The following CXADR variants were observed in gnomAD, a reference collection of about 807,000 sequenced individuals.
The protein encoded by CXADR is coxsackievirus and adenovirus receptor.
In CXADR, 20 loss-of-function variants were observed where a neutral mutation model predicts 40.3. That is an observed-to-expected ratio of 0.50 (90% CI 0.35 to 0.72). The LOEUF (loss-of-function observed/expected upper bound fraction) is 0.72. Ranked by LOEUF, CXADR falls within the 30% of genes least tolerant of loss-of-function variation. CXADR has a pLI of 0.01. For missense variants in CXADR, 332 were observed against 449.1 expected, an observed-to-expected ratio of 0.74 and a Z score of 2.36; for synonymous variants, 150 against 161.3, an observed-to-expected ratio of 0.93 and a Z score of 0.53.
At chr21:17,549,944 C>T (rs2824348) in intron 2 of CXADR, among the ~76,000 whole-genome samples, 5,766 of 152,204 alleles carry the variant, frequency 0.038, 360 homozygotes, top group African/African-American at 0.13. Flanking sequence ...GAAGATTGAG[C>T]AAATAAAGTA....
Position 17,547,136 on chromosome 21 carries a change from A to T in CXADR, c.153A>T (p.Gly51=), listed in dbSNP as rs1338773733. ...CKFTLSPEDQ[G]PLDIEWLISP... is the part of the protein sequence containing the mutation. Reference sequence around the variant, plus strand: ...TTACGCTTAGTCCCGAAGACCAGGGACCGCTGGACATCGAGTGGCTGATAT... The same window carrying T: ...TTACGCTTAGTCCCGAAGACCAGGGTCCGCTGGACATCGAGTGGCTGATAT... Residue 51 remains glycine (G), a synonymous_variant, in exon 2 of 7, where the codon GGA becomes GGT. Coordinates refer to ENST00000284878, the MANE Select transcript of CXADR (RefSeq NM_001338.5). The T allele has an allele frequency of 1.2e-6, 2 of 1,614,144 alleles. No individual in the cohort carries two copies. Among genetic ancestry groups the T allele is most frequent in the South Asian group, 2.2e-5 (2 of 91,080 alleles).
At chr21:17,606,810 C>G in the CXADR span, among the ~76,000 whole-genome samples, 1 of 152,100 alleles carries the variant, frequency 6.6e-6, no homozygotes, top group South Asian at 2.1e-4. Context: ...TTTGCAATTA[C>G]AAAGTGTAAG....
chr21:17,562,729 C>T (rs1376145480), intron 6 of CXADR, among the ~76,000 whole-genome samples: 2 of 152,212 alleles, frequency 1.3e-5, no homozygotes, highest in Non-Finnish European at 2.9e-5. Context: ...TTAACTAGAT[C>T]TTCTGGATAA....
downstream of CXADR, among the ~76,000 whole-genome samples, chr21:17,598,195 A>C (rs936269637): frequency 5.9e-5 from 9 of 152,156 alleles, no homozygotes; most frequent in African/African-American, 2.2e-4. Flanking sequence ...GCTTGAGTAA[A>C]ATATTAATTA....
chr21:17,617,592 TAA>T, the CXADR span, among the ~76,000 whole-genome samples: 1 of 152,266 alleles, frequency 6.6e-6, no homozygotes, highest in Non-Finnish European at 1.5e-5. Flanking sequence ...CTGTGCCTAT[TAA>T]AGTTATGTTT....
the CXADR span, among the ~76,000 whole-genome samples, chr21:17,606,233 G>A: frequency 6.6e-6 from 1 of 152,042 alleles, no homozygotes; most frequent in Non-Finnish European, 1.5e-5. Flanking sequence ...GAAAAAAGGA[G>A]GCAGAGAGAG....
intron 1 of CXADR, among the ~76,000 whole-genome samples, chr21:17,521,928 T>C (rs1025750348): frequency 6.6e-6 from 1 of 152,224 alleles, no homozygotes; most frequent in Non-Finnish European, 1.5e-5. Flanking sequence ...CCATCTATTA[T>C]ATCTGGATTC....
rs569545574 is a variant in CXADR, at chr21:17,580,943, G to T, written c.1018-12209G>T. Among the ~76,000 whole-genome samples, 13 of 152,208 alleles carry T rather than the reference G, an allele frequency of 8.5e-5. No homozygotes were observed. The South Asian group carries it at 1.2e-3, about 15-fold the overall frequency. ...TCTTTAATTCTTTTGTAGGGAGGAG[G>T]TCTCACTATGTTGTCCAGGCTGGTC... On this transcript the variant is annotated intron_variant, in intron 7 of 7. Coordinates refer to the CXADR transcript ENST00000400169.
the CXADR span, among the ~76,000 whole-genome samples, chr21:17,608,402 T>C: frequency 6.7e-6 from 1 of 150,348 alleles, no homozygotes; most frequent in East Asian, 2.0e-4. Context: ...GAAAAGCAAA[T>C]CCCAGAGCCA....
At chr21:17,536,268 C>T (rs2060755476) in intron 1 of CXADR, among the ~76,000 whole-genome samples, 1 of 152,182 alleles carries the variant, frequency 6.6e-6, no homozygotes, top group African/African-American at 2.4e-5. Flanking sequence ...CATAAAGTAG[C>T]ATCAGTGTTC....
At chr21:17,518,343 T>A (rs1396994986) in intron 1 of CXADR, among the ~76,000 whole-genome samples, 1 of 152,020 alleles carries the variant, frequency 6.6e-6, no homozygotes, top group Non-Finnish European at 1.5e-5. Context: ...ACCAAAAAAA[T>A]ATCCTGAGAG....
At chr21:17,528,610 G>T (rs1186777927) in intron 1 of CXADR, among the ~76,000 whole-genome samples, 1 of 150,186 alleles carries the variant, frequency 6.7e-6, no homozygotes, top group Admixed American at 6.6e-5. Context: ...GTTTCTTCAT[G>T]TTGGTCAGGC....
In CXADR at chr21:17,540,400, T is replaced by C. The variant is rs8127049; in HGVS notation, c.44-6627T>C. The stretch of plus-strand genomic sequence containing the variant: ...GTTCCTTTTGAAAGACCTAATTTCA[T>C]TCGATGATTGTATTTGCTGTTGGGT... On this transcript the variant is annotated intron_variant, in intron 1 of 6. Coordinates refer to ENST00000284878, the MANE Select transcript of CXADR (RefSeq NM_001338.5). Among the ~76,000 whole-genome samples the C allele has an allele frequency of 6.7e-3, 1,023 of 152,268 alleles. 13 individuals are homozygous for C. The highest frequency in any genetic ancestry group is 0.024 in the African/African-American group (980 of 41,570).
the CXADR span, among the ~76,000 whole-genome samples, chr21:17,625,561 A>G: frequency 6.6e-6 from 1 of 152,222 alleles, no homozygotes; most frequent in African/African-American, 2.4e-5. Flanking sequence ...TCCTTGGTAT[A>G]CCTAAACTAG....
intron 6 of CXADR, among the ~76,000 whole-genome samples, 172 bp downstream of exon 6, chr21:17,561,648 C>T (rs982690033): frequency 6.6e-5 from 10 of 152,178 alleles, no homozygotes; most frequent in African/African-American, 2.4e-4. Flanking sequence ...AAGTGCAGAG[C>T]TCCAACCACC....
At chr21:17,620,391 ATTAAG>A in the CXADR span, among the ~76,000 whole-genome samples, 1 of 152,220 alleles carries the variant, frequency 6.6e-6, no homozygotes. Flanking sequence ...ACATTTATCT[ATTAAG>A]TTAACTGTCT....
chr21:17,633,542 A>G, the CXADR span, among the ~76,000 whole-genome samples: 3 of 152,210 alleles, frequency 2.0e-5, no homozygotes, highest in African/African-American at 7.2e-5. Context: ...GCAACAAAGC[A>G]AGACCCCTCA....
the CXADR span, among the ~76,000 whole-genome samples, chr21:17,630,105 T>C: frequency 2.0e-5 from 3 of 152,152 alleles, no homozygotes; most frequent in African/African-American, 7.2e-5. Flanking sequence ...CCCAAAAATA[T>C]ATTGGGCTCT....
intron 7 of CXADR, among the ~76,000 whole-genome samples, chr21:17,582,606 C>T (rs62239947): frequency 0.063 from 9,647 of 152,298 alleles, 340 homozygotes; most frequent in Middle Eastern, 0.12. Flanking sequence ...TTACATCTAA[C>T]TGTTCAACAC....
Sources: allele counts gnomAD v4.1 joint callset (sites outside exome capture counted in the v4.1 genomes callset), GRCh38; gene constraint gnomAD v4.1.1; transcripts MANE v1.5; gene names NCBI Gene and HGNC (gene_info 2026-07-23, HGNC 2026-07-21).